EIF3E: variants seen among roughly 807,000 people sequenced by gnomAD.
The protein encoded by EIF3E is eukaryotic translation initiation factor 3 subunit E, also known as eIF-3 p48.
Under a neutral mutation model 59.3 loss-of-function variants are expected in EIF3E, and 25 were observed. The ratio of observed to expected loss-of-function variants is 0.42; its 90% confidence interval spans 0.31 to 0.59. The LOEUF (loss-of-function observed/expected upper bound fraction) is 0.59, where lower values mean the gene tolerates loss of function less well. Among genes scored for constraint, EIF3E ranks in the 20% least tolerant of loss-of-function variants. The pLI, the probability that EIF3E is intolerant of heterozygous loss-of-function variation, is 0.15. For synonymous variants in EIF3E, 176 were observed against 170.2 expected, an observed-to-expected ratio of 1.03 and a Z score of -0.26; for missense variants, 317 against 534.3, an observed-to-expected ratio of 0.59 and a Z score of 4.01.
Position 108,223,471 on chromosome 8 carries a change from T to C in EIF3E, c.722+4796A>G, listed in dbSNP as rs1815458607. On this transcript the variant is annotated intron_variant, in intron 7 of 12. Transcript: ENST00000220849. ...AAGGAAAATAACAGCAGGAAAGGTC[T>C]GTCTGTACAAATTCTGGACATCACA... Among the ~76,000 whole-genome samples the C allele has an allele frequency of 6.6e-5, 10 of 152,244 alleles. No homozygotes were observed. In the South Asian group the frequency reaches 2.1e-3, roughly 32 times the overall value.
chr8:108,236,871 AAT>A (rs1815741725), intron 3 of EIF3E, among the ~76,000 whole-genome samples: 1 of 151,762 alleles, frequency 6.6e-6, no homozygotes, highest in Admixed American at 6.6e-5. Context: ...AAAATACAAA[AAT>A]TAGCCAGGCA....
At chr8:108,211,157 T>C (rs996260517) in intron 10 of EIF3E, among the ~76,000 whole-genome samples, 2 of 152,210 alleles carry the variant, frequency 1.3e-5, no homozygotes, top group Admixed American at 1.3e-4. Flanking sequence ...TTCTAGATCC[T>C]TGAGGAATCA....
intron 10 of EIF3E, 88 bp downstream of exon 10, chr8:108,214,519 G>A (rs1214281860): frequency 6.6e-6 from 6 of 915,436 alleles, no homozygotes; most frequent in Non-Finnish European, 9.4e-6. Context: ...CCAATTAACT[G>A]GAATTCTATT....
intron 5 of EIF3E, among the ~76,000 whole-genome samples, chr8:108,234,112 A>G (rs1166164165): frequency 6.6e-6 from 1 of 152,172 alleles, no homozygotes; most frequent in Non-Finnish European, 1.5e-5. Context: ...GGCTCACTGC[A>G]ACCTCCACCT....
At chr8:108,235,690 G>A (rs925109257) in intron 4 of EIF3E, among the ~76,000 whole-genome samples, 1 of 152,300 alleles carries the variant, frequency 6.6e-6, no homozygotes, top group African/African-American at 2.4e-5. Flanking sequence ...CTTTATTTGT[G>A]AATCTGGGGA....
At chr8:108,204,772 G>C (rs1313653700) in intron 10 of EIF3E, among the ~76,000 whole-genome samples, 1 of 124,386 alleles carries the variant, frequency 8.0e-6, no homozygotes, top group East Asian at 2.2e-4. Flanking sequence ...GAGAGAGAGA[G>C]AGAGAGAGAC....
intron 5 of EIF3E, among the ~76,000 whole-genome samples, chr8:108,232,109 A>C: frequency 6.6e-6 from 1 of 152,170 alleles, no homozygotes; most frequent in East Asian, 1.9e-4. Flanking sequence ...CCCAAATCCA[A>C]ACAAGATTTT....
intron 5 of EIF3E, 127 bp from the exon 6 acceptor site, chr8:108,229,322 T>A (rs1421357799): frequency 1.1e-6 from 1 of 928,268 alleles, no homozygotes; most frequent in Non-Finnish European, 1.5e-6. Context: ...AAACTGTAAT[T>A]ATCTAAGTCC....
At chr8:108,228,492 C>G in intron 6 of EIF3E, 101 bp from the exon 7 acceptor site, 1 of 939,404 alleles carries the variant, frequency 1.1e-6, no homozygotes. Context: ...AAAATGAGCC[C>G]CTTCTAAGGC....
intron 10 of EIF3E, among the ~76,000 whole-genome samples, chr8:108,211,916 A>C (rs933965107): frequency 6.6e-6 from 1 of 152,260 alleles, no homozygotes; most frequent in Non-Finnish European, 1.5e-5. Flanking sequence ...TTTCATCTTT[A>C]TCCTCTGGCT....
At chr8:108,237,680 TAG>T (rs1487463150) in intron 3 of EIF3E, among the ~76,000 whole-genome samples, 1 of 152,166 alleles carries the variant, frequency 6.6e-6, no homozygotes, top group Non-Finnish European at 1.5e-5. Flanking sequence ...AAAATTAATA[TAG>T]GTGTATTACA....
At position 108,241,779 on chromosome 8, in the gene EIF3E, G is replaced by C. The variant is rs1223047101; in HGVS notation, c.205+20C>G. 1 of 1,456,254 alleles carries C rather than the reference G, an allele frequency of 6.9e-7. No individual in the cohort carries two copies. The highest frequency in any genetic ancestry group is 2.3e-5 in the Admixed American group (1 of 44,248). The allele number at this position is 1,456,254 out of a possible 1,614,324, so 90.2% of individuals were successfully genotyped here. Reference sequence around the variant, plus strand: ...TCCTCAAGTCACAAGACAAGTTTCAGTTCTAATGACAAAACTTACCATGAG... The same window carrying C: ...TCCTCAAGTCACAAGACAAGTTTCACTTCTAATGACAAAACTTACCATGAG... On this transcript the variant is annotated intron_variant, in intron 2 of 12. Transcript: ENST00000220849.
At chr8:108,209,626 T>G (rs187364418) in intron 10 of EIF3E, among the ~76,000 whole-genome samples, 1 of 152,306 alleles carries the variant, frequency 6.6e-6, no homozygotes, top group African/African-American at 2.4e-5. Context: ...CTCATTAACA[T>G]CTGTAATGTT....
intron 7 of EIF3E, 144 bp downstream of exon 7, chr8:108,228,123 A>G (rs979115329): frequency 1.0e-5 from 9 of 878,344 alleles, no homozygotes; most frequent in Non-Finnish European, 1.3e-5. Context: ...CATACTTTTC[A>G]GTAACAAGCA....
chr8:108,228,871 G>A (rs2129896711), intron 6 of EIF3E, among the ~76,000 whole-genome samples, 199 bp downstream of exon 6: 1 of 152,196 alleles, frequency 6.6e-6, no homozygotes, highest in South Asian at 2.1e-4. Flanking sequence ...TTCTCTAAGA[G>A]CCAAAAGAAG....
intron 1 of EIF3E, 148 bp from the exon 2 acceptor site, chr8:108,242,061 C>T: frequency 1.5e-6 from 2 of 1,318,896 alleles, no homozygotes; most frequent in Non-Finnish European, 2.0e-6. Context: ...GTAATAATGG[C>T]AAGCAATATG....
At chr8:108,206,429 C>A (rs139509598) in intron 10 of EIF3E, among the ~76,000 whole-genome samples, 1 of 152,104 alleles carries the variant, frequency 6.6e-6, no homozygotes, top group Admixed American at 6.6e-5. Context: ...GAACAGCTTA[C>A]CTAAGGAAAT....
chr8:108,217,527 G>T, intron 7 of EIF3E, 67 bp from the exon 8 acceptor site: 2 of 1,354,754 alleles, frequency 1.5e-6, no homozygotes, highest in Non-Finnish European at 2.0e-6. Flanking sequence ...TCTCGAGCAG[G>T]TCATTAGATT....
intron 10 of EIF3E, among the ~76,000 whole-genome samples, chr8:108,206,259 AG>A (rs1815098606): frequency 2.6e-5 from 4 of 152,044 alleles, no homozygotes; most frequent in Non-Finnish European, 4.4e-5. Flanking sequence ...TGGGAGGCAG[AG>A]GTTACAGTGA....
Sources: allele counts gnomAD v4.1 joint callset (sites outside exome capture counted in the v4.1 genomes callset), GRCh38; gene constraint gnomAD v4.1.1; transcripts MANE v1.5; gene names NCBI Gene and HGNC (gene_info 2026-07-23, HGNC 2026-07-21).